Variants in NEGR1 observed in about 807,000 individuals in gnomAD.
NEGR1 encodes IgLON family member 4.
In NEGR1, 10 loss-of-function variants were observed where a neutral mutation model predicts 40.9. The observed-to-expected ratio is 0.24, with a 90% CI of 0.15 to 0.42. NEGR1 has a LOEUF of 0.42. NEGR1 is among the 10% of genes least tolerant of loss of function. The probability of loss-of-function intolerance (pLI) is 1.00; values close to 1 mark genes in which losing one functional copy is unlikely to be tolerated. For missense variants in NEGR1, 352 were observed against 438.9 expected (o/e 0.80, Z 1.77); for synonymous variants, 185 against 166.8 (o/e 1.11, Z -0.84).
chr1:72,092,133 C>A (rs1648523479), intron 1 of NEGR1, among the ~76,000 whole-genome samples: 1 of 152,018 alleles, frequency 6.6e-6, no homozygotes, highest in Admixed American at 6.6e-5. Flanking sequence ...TGGGTGGGTT[C>A]TCTGTTTTGC....
At chr1:72,144,438 ACAGAT>A (rs1557548886) in intron 1 of NEGR1, among the ~76,000 whole-genome samples, 5 of 151,876 alleles carry the variant, frequency 3.3e-5, no homozygotes, top group Non-Finnish European at 7.4e-5. Context: ...ACTGTTAAAA[ACAGAT>A]AACAAACTAC....
At chr1:72,010,567 AT>A (rs1646647246) in intron 1 of NEGR1, among the ~76,000 whole-genome samples, 1 of 151,952 alleles carries the variant, frequency 6.6e-6, no homozygotes. Context: ...CAACTAAAGC[AT>A]TGCAATATTC....
chr1:72,249,696 T>G (rs1477779847), intron 1 of NEGR1, among the ~76,000 whole-genome samples: 1 of 152,142 alleles, frequency 6.6e-6, no homozygotes, highest in Non-Finnish European at 1.5e-5. Flanking sequence ...AAACTTGACA[T>G]TTGTTATGAA....
chr1:71,835,621 T>A (rs774802943), intron 2 of NEGR1, among the ~76,000 whole-genome samples: 3 of 152,102 alleles, frequency 2.0e-5, no homozygotes, highest in Non-Finnish European at 4.4e-5. Flanking sequence ...CCTATGTATA[T>A]CAAGAAGTAA....
chr1:71,624,825 C>T (rs936772448), intron 4 of NEGR1, among the ~76,000 whole-genome samples: 7 of 151,854 alleles, frequency 4.6e-5, no homozygotes, highest in African/African-American at 1.5e-4. Flanking sequence ...CCTTCTTAAC[C>T]ATCCTTACTG....
At chr1:71,692,363 TAA>T (rs941308757) in intron 4 of NEGR1, among the ~76,000 whole-genome samples, 4 of 151,668 alleles carry the variant, frequency 2.6e-5, no homozygotes, top group Non-Finnish European at 5.9e-5. Flanking sequence ...AAATGAAAAG[TAA>T]AGTTAGGGGC....
intron 3 of NEGR1, among the ~76,000 whole-genome samples, chr1:71,739,266 A>G (rs1655138337): frequency 6.6e-6 from 1 of 151,314 alleles, no homozygotes. Context: ...CTCCCAGCCT[A>G]CATCTTTCTC....
chr1:72,179,163 C>T (rs1185996117), intron 1 of NEGR1, among the ~76,000 whole-genome samples: 1 of 151,930 alleles, frequency 6.6e-6, no homozygotes, highest in African/African-American at 2.4e-5. Flanking sequence ...TTTAATCCAT[C>T]TTGAGTTGAT....
At chr1:71,581,689 T>C (rs947706431) in intron 6 of NEGR1, among the ~76,000 whole-genome samples, 1 of 135,750 alleles carries the variant, frequency 7.4e-6, no homozygotes, top group African/African-American at 2.7e-5. Context: ...GTAAGTCTCA[T>C]TATACACAAT....
intron 6 of NEGR1, among the ~76,000 whole-genome samples, chr1:71,475,862 C>G (rs1026152664): frequency 3.3e-5 from 5 of 151,688 alleles, no homozygotes; most frequent in Admixed American, 1.3e-4. Context: ...AAATTTTATT[C>G]TCATTTTTTT....
chr1:72,038,942 T>C (rs552327267), intron 1 of NEGR1, among the ~76,000 whole-genome samples: 2 of 152,080 alleles, frequency 1.3e-5, no homozygotes, highest in African/African-American at 2.4e-5. Flanking sequence ...AATTATCTAA[T>C]ATGAATATAA....
At chr1:72,257,105 G>A (rs1267064574) in intron 1 of NEGR1, among the ~76,000 whole-genome samples, 14 of 152,048 alleles carry the variant, frequency 9.2e-5, no homozygotes, top group Non-Finnish European at 8.8e-5. Flanking sequence ...GGCGGATCAC[G>A]AGGTCAGGAG....
chr1:72,188,381 T>G (rs902474492), intron 1 of NEGR1, among the ~76,000 whole-genome samples: 3 of 151,486 alleles, frequency 2.0e-5, no homozygotes, highest in African/African-American at 7.3e-5. Flanking sequence ...ATTTAATACT[T>G]TAGGTGCCTG....
intron 6 of NEGR1, among the ~76,000 whole-genome samples, chr1:71,475,013 A>G (rs530112776): frequency 5.4e-4 from 82 of 152,204 alleles, no homozygotes; most frequent in Admixed American, 7.9e-4. Flanking sequence ...CACAGCATCT[A>G]TCTTAAAATA....
At chr1:71,847,274 T>G (rs781576561) in intron 2 of NEGR1, among the ~76,000 whole-genome samples, 2 of 152,236 alleles carry the variant, frequency 1.3e-5, no homozygotes, top group Non-Finnish European at 2.9e-5. Context: ...ATATATTTAC[T>G]GTGTACAACA....
chr1:72,218,607 A>C (rs1438897766), intron 1 of NEGR1, among the ~76,000 whole-genome samples: 1 of 152,028 alleles, frequency 6.6e-6, no homozygotes, highest in Non-Finnish European at 1.5e-5. Context: ...CTTGAGTTAT[A>C]GGGAGTTGTT....
chr1:71,779,478 A>G (rs953104680), intron 2 of NEGR1, among the ~76,000 whole-genome samples: 3 of 152,282 alleles, frequency 2.0e-5, no homozygotes, highest in African/African-American at 7.2e-5. Flanking sequence ...GTAGACATTA[A>G]TTTTGTGTTG....
In NEGR1 at chr1:71,554,323, C is replaced by A. The variant is rs190065342; in HGVS notation, c.940+38494G>T. 4.5e-4 allele frequency among the ~76,000 whole-genome samples: 68 copies of A among 151,512 alleles called. No individual in the cohort carries two copies. In the East Asian group the frequency reaches 9.8e-3, roughly 22 times the overall value. On this transcript the variant is annotated intron_variant, in intron 6 of 6. Coordinates refer to ENST00000357731, the MANE Select transcript of NEGR1 (RefSeq NM_173808.3). ...TTGCTAATTAGACAATATTATATTG[C>A]ACATTGGAGACATCTTTTTTTTTAG...
Position 72,135,325 on chromosome 1 carries a change from G to A in NEGR1, c.176+146994C>T, listed in dbSNP as rs553460228. Among the ~76,000 whole-genome samples the A allele has an allele frequency of 1.1e-4, 15 of 133,784 alleles. No homozygotes were observed. The South Asian group carries it at 3.7e-3, about 33-fold the overall frequency. 87.8% of individuals were successfully genotyped at this position (133,784 alleles called of 152,430 possible). A position where few individuals can be genotyped will look rare whatever the true frequency, so the allele number is the denominator to read the frequency against. ...CGGGAGGCGGAGCTTGCAGTGAGCC[G>A]AGATCTCGCCACTGCATTCCAGCCT... On this transcript the variant is annotated intron_variant, in intron 1 of 6. Coordinates refer to ENST00000357731, the MANE Select transcript of NEGR1 (RefSeq NM_173808.3).
Sources: allele counts gnomAD v4.1 joint callset (sites outside exome capture counted in the v4.1 genomes callset), GRCh38; gene constraint gnomAD v4.1.1; transcripts MANE v1.5; gene names NCBI Gene and HGNC (gene_info 2026-07-23, HGNC 2026-07-21).